The following FGGY variants were observed in gnomAD, a reference collection of about 807,000 sequenced individuals.
The protein encoded by FGGY is FGGY carbohydrate kinase domain containing, also known as FGGY carbohydrate kinase domain-containing protein.
A neutral mutation model predicts 71.3 loss-of-function variants in FGGY; 72 were observed. That is an observed-to-expected ratio of 1.01 (90% CI 0.84 to 1.23). The LOEUF is 1.23. FGGY is among the 50% of genes most tolerant of loss of function. FGGY has a pLI of 0.00. For synonymous variants in FGGY, 251 were observed against 250.3 expected (o/e 1.00, Z -0.02); for missense variants, 668 against 682.3 (o/e 0.98, Z 0.23).
At chr1:59,616,074 GTGGT>G (rs1460009877) in intron 9 of FGGY, among the ~76,000 whole-genome samples, 3 of 152,222 alleles carry the variant, frequency 2.0e-5, no homozygotes, top group Non-Finnish European at 2.9e-5. Flanking sequence ...GGAAGTCAGT[GTGGT>G]GATTCCTCAG....
At chr1:59,409,593 G>GT (rs56054102) in intron 5 of FGGY, among the ~76,000 whole-genome samples, 1 of 114,532 alleles carries the variant, frequency 8.7e-6, no homozygotes, top group Non-Finnish European at 1.8e-5. Context: ...TGAAGGAAGA[G>GT]TTTTTTATAT....
chr1:59,625,989 T>C lies in FGGY; in HGVS notation c.1013T>C (p.Ile338Thr), dbSNP rs1197998911. ...EGGQSVTGKL[I>T]DHMVQGHAAF... ...TGACCCATGTCTCTTATTTTTCAGA[T>C]AGACCACATGGTACAAGGCCATGCT... Residue 338 changes from isoleucine (I) to threonine (T), a missense_variant and splice_region_variant, in exon 10 of 16, where the codon ATA becomes ACA. Ile to Thr is a moderately conservative substitution (Grantham distance 89). Around this residue, in one of 2 missense-constraint regions of FGGY, gnomAD observed 661 missense variants for 661.6 expected, o/e 1.00. Transcript: ENST00000303721. 13 of 1,599,846 alleles carry C rather than the reference T, an allele frequency of 8.1e-6. 1 individual carries two copies. The highest frequency in any genetic ancestry group is 3.4e-5 in the Admixed American group (2 of 58,586).
At chr1:59,533,522 C>T (rs1226077502) in intron 7 of FGGY, among the ~76,000 whole-genome samples, 1 of 152,020 alleles carries the variant, frequency 6.6e-6, no homozygotes, top group Non-Finnish European at 1.5e-5. Flanking sequence ...GCCTGCCTGC[C>T]TCTGTAGGCT....
chr1:59,657,521 G>T (rs886232674), intron 11 of FGGY, among the ~76,000 whole-genome samples: 1 of 152,202 alleles, frequency 6.6e-6, no homozygotes, highest in Non-Finnish European at 1.5e-5. Context: ...CCGCATGCTA[G>T]CATGGTGCAG....
chr1:59,410,349 T>G (rs373727358), intron 5 of FGGY, among the ~76,000 whole-genome samples: 7 of 152,164 alleles, frequency 4.6e-5, no homozygotes, highest in African/African-American at 1.4e-4. Flanking sequence ...GACAACTCTG[T>G]GAAGTTTTCT....
intron 8 of FGGY, among the ~76,000 whole-genome samples, chr1:59,576,763 T>C (rs11207478): frequency 0.026 from 3,921 of 151,256 alleles, 170 homozygotes; most frequent in African/African-American, 0.091. Flanking sequence ...TCAGGGCAAA[T>C]AGCAGCCCAT....
intron 14 of FGGY, among the ~76,000 whole-genome samples, chr1:59,687,028 A>G (rs1021205715): frequency 1.3e-5 from 2 of 152,304 alleles, no homozygotes; most frequent in East Asian, 3.9e-4. Context: ...TGCTTTACAT[A>G]TATTACTGAA....
intron 9 of FGGY, among the ~76,000 whole-genome samples, chr1:59,615,646 G>C (rs1474756870): frequency 6.6e-6 from 1 of 152,178 alleles, no homozygotes; most frequent in African/African-American, 2.4e-5. Flanking sequence ...ATTGACAAAT[G>C]AGATCTCATT....
At chr1:59,324,470 G>A (rs1027683193) in intron 2 of FGGY, among the ~76,000 whole-genome samples, 1 of 150,846 alleles carries the variant, frequency 6.6e-6, no homozygotes, top group Non-Finnish European at 1.5e-5. Flanking sequence ...TAGAGACGGG[G>A]TTTCACCGTT....
intron 10 of FGGY, among the ~76,000 whole-genome samples, chr1:59,632,244 A>G (rs989671968): frequency 6.6e-6 from 1 of 152,244 alleles, no homozygotes; most frequent in African/African-American, 2.4e-5. Context: ...ATATATACAG[A>G]TATAGCCAGC....
chr1:59,711,986 C>G (rs2097797516), intron 14 of FGGY, among the ~76,000 whole-genome samples: 2 of 152,102 alleles, frequency 1.3e-5, no homozygotes, highest in Non-Finnish European at 2.9e-5. Flanking sequence ...CTCAAAAGTC[C>G]CCAGTCCAAA....
At chr1:59,461,705 T>C (rs1368978727) in intron 6 of FGGY, among the ~76,000 whole-genome samples, 1 of 152,148 alleles carries the variant, frequency 6.6e-6, no homozygotes, top group Non-Finnish European at 1.5e-5. Context: ...CCCATCAGAC[T>C]CACCACGGAT....
intron 14 of FGGY, among the ~76,000 whole-genome samples, chr1:59,677,437 C>T (rs1329644056): frequency 6.6e-6 from 1 of 152,122 alleles, no homozygotes; most frequent in East Asian, 1.9e-4. Context: ...CTAGATAGGC[C>T]AATTTTGGTA....
intron 4 of FGGY, among the ~76,000 whole-genome samples, chr1:59,374,249 G>C: frequency 6.6e-6 from 1 of 152,148 alleles, no homozygotes; most frequent in Non-Finnish European, 1.5e-5. Flanking sequence ...TGCAGGACAT[G>C]AACAGACACT....
chr1:59,364,558 A>G (rs2056230209), intron 4 of FGGY, among the ~76,000 whole-genome samples: 1 of 152,244 alleles, frequency 6.6e-6, no homozygotes, highest in Non-Finnish European at 1.5e-5. Context: ...CATCATCTAT[A>G]GATCAGACAA....
chr1:59,644,305 C>G (rs1240740927), intron 11 of FGGY, among the ~76,000 whole-genome samples: 1 of 152,140 alleles, frequency 6.6e-6, no homozygotes, highest in African/African-American at 2.4e-5. Context: ...GTATCATTTT[C>G]TTTTTGTTCT....
chr1:59,725,503 A>T (rs1307484557), intron 14 of FGGY, among the ~76,000 whole-genome samples: 1 of 152,190 alleles, frequency 6.6e-6, no homozygotes, highest in Admixed American at 6.5e-5. Context: ...ATGGATACTT[A>T]AAAATAGTTC....
chr1:59,685,525 C>CAT (rs1288202307), intron 14 of FGGY, among the ~76,000 whole-genome samples: 2 of 152,182 alleles, frequency 1.3e-5, no homozygotes, highest in East Asian at 1.9e-4. Flanking sequence ...GGAAAATACA[C>CAT]ATATATATAC....
chr1:59,629,884 C>T (rs1221392234), intron 10 of FGGY, among the ~76,000 whole-genome samples: 1 of 152,150 alleles, frequency 6.6e-6, no homozygotes, highest in Admixed American at 6.5e-5. Flanking sequence ...TTTGACGGGG[C>T]CTTGTAAACT....
Sources: gnomAD v4.1 joint callset for allele counts (sites outside exome capture counted in the v4.1 genomes callset) on GRCh38, gnomAD v4.1.1 for gene constraint, gnomAD v4.1.1 regional missense constraint, MANE v1.5 for transcripts, NCBI Gene and HGNC (gene_info 2026-07-23, HGNC 2026-07-21) for gene names.